SIK2: variants seen among roughly 807,000 people sequenced by gnomAD.
SIK2 encodes the protein serine/threonine-protein kinase SIK2.
In SIK2, 29 loss-of-function variants were observed where a neutral mutation model predicts 103.2. That is an observed-to-expected ratio of 0.28 (90% confidence interval 0.21 to 0.38). The LOEUF is 0.38. SIK2 is among the 10% of genes least tolerant of loss of function. The pLI, the probability that SIK2 is intolerant of heterozygous loss-of-function variation, is 1.00. For synonymous variants in SIK2, 412 were observed against 446.1 expected (o/e 0.92, Z 0.96); for missense variants, 879 against 1,171.0 (o/e 0.75, Z 3.64).
At chr11:111,639,881 T>G (rs904725475) in intron 3 of SIK2, among the ~76,000 whole-genome samples, 3 of 152,184 alleles carry the variant, frequency 2.0e-5, no homozygotes, top group Admixed American at 2.0e-4. Context: ...TAGGAATGAA[T>G]GCTTCCTTTT....
At position 111,701,792 on chromosome 11, in the gene SIK2, G is replaced by A. The variant is rs1943218297; in HGVS notation, c.727+217G>A. 6.6e-6 allele frequency among the ~76,000 whole-genome samples: 1 copy of A among 152,180 alleles called. No individual in the cohort carries two copies. Among genetic ancestry groups the A allele is most frequent in the African/African-American group, 2.4e-5 (1 of 41,436 alleles). On this transcript the variant is annotated intron_variant, in intron 6 of 14. Coordinates refer to ENST00000304987, the MANE Select transcript of SIK2 (RefSeq NM_015191.3). The surrounding 1 kb of genome is among the most constrained non-coding windows in gnomAD (Gnocchi z 4.2). Reference sequence around the variant, plus strand: ...AAACACACAGCATTTCCCAGATTAAGAGCAGCATGTCTTCTCATTCATTCT... The same window carrying A: ...AAACACACAGCATTTCCCAGATTAAAAGCAGCATGTCTTCTCATTCATTCT...
At position 111,626,710 on chromosome 11, in the gene SIK2, C is replaced by CAAA. The variant is rs33939540; in HGVS notation, c.316+6318_316+6320dup. Among the ~76,000 whole-genome samples the CAAA allele has an allele frequency of 2.9e-3, 426 of 147,616 alleles. 10 individuals are homozygous for CAAA. The East Asian group carries it at 0.057, about 20-fold the overall frequency. Reference sequence around the variant, plus strand: ...GTTTTCTAGTAATGACCATTAACTACAAAAAAAAAAAAGTAATTTTGAAAA... The same window carrying CAAA: ...GTTTTCTAGTAATGACCATTAACTACAAAAAAAAAAAAAAAGTAATTTTGAAAA... On this transcript the variant is annotated intron_variant, in intron 3 of 14. Coordinates refer to ENST00000304987, the MANE Select transcript of SIK2 (RefSeq NM_015191.3).
intron 3 of SIK2, among the ~76,000 whole-genome samples, chr11:111,678,707 G>A (rs1942738667): frequency 6.6e-6 from 1 of 152,110 alleles, no homozygotes; most frequent in African/African-American, 2.4e-5. Context: ...TCTTGCTAAT[G>A]TACATTTTAT....
intron 3 of SIK2, among the ~76,000 whole-genome samples, chr11:111,628,893 A>G (rs1412570186): frequency 6.6e-6 from 1 of 152,156 alleles, no homozygotes; most frequent in African/African-American, 2.4e-5. Context: ...AGAGAGTCGT[A>G]TAAAGACCAG....
intron 3 of SIK2, among the ~76,000 whole-genome samples, chr11:111,630,468 A>G (rs942799304): frequency 6.6e-6 from 1 of 152,130 alleles, no homozygotes; most frequent in Non-Finnish European, 1.5e-5. Context: ...TTGTATATAA[A>G]TCATACTTCA....
chr11:111,652,440 G>A (rs569921299), intron 3 of SIK2, among the ~76,000 whole-genome samples: 5 of 152,248 alleles, frequency 3.3e-5, no homozygotes, highest in African/African-American at 7.2e-5. Context: ...GTGAGAGATT[G>A]TATGTCATTA....
At chr11:111,672,123 C>T in intron 3 of SIK2, 3 of 458,740 alleles carry the variant, frequency 6.5e-6, no homozygotes, top group East Asian at 5.4e-5. Flanking sequence ...CCTGGTTACA[C>T]ACGGCCTGGA....
intron 9 of SIK2, among the ~76,000 whole-genome samples, chr11:111,719,291 A>C (rs1173058154): frequency 6.6e-6 from 1 of 151,966 alleles, no homozygotes; most frequent in Non-Finnish European, 1.5e-5. Flanking sequence ...TTGAACATAA[A>C]AGTCTTTCTA....
rs138622466 is a variant in SIK2 at position 111,707,533 on chromosome 11, TC to T, written c.1101+2395del. ...AATGCTTCTACTTCAAATGGAGTCT[TC>T]AATGCTCATTCACATGCTTGCCTGA... On this transcript the variant is annotated intron_variant, in intron 8 of 14. Coordinates refer to ENST00000304987, the MANE Select transcript of SIK2 (RefSeq NM_015191.3). Among the ~76,000 whole-genome samples, 803 of 152,304 alleles carry T rather than the reference TC, an allele frequency of 5.3e-3. 11 individuals carry two copies. Among genetic ancestry groups the T allele is most frequent in the East Asian group, 0.026 (134 of 5,184 alleles).
At chr11:111,634,577 T>G (rs1419163120) in intron 3 of SIK2, among the ~76,000 whole-genome samples, 1 of 152,218 alleles carries the variant, frequency 6.6e-6, no homozygotes, top group Admixed American at 6.5e-5. Context: ...CTTGAATCAC[T>G]TCAACACCTA....
intron 4 of SIK2, among the ~76,000 whole-genome samples, chr11:111,692,822 T>C (rs1279025950): frequency 6.6e-6 from 1 of 152,086 alleles, no homozygotes. Flanking sequence ...CTGGGTTTTT[T>C]TTTTGGCTTA....
At chr11:111,680,546 T>C (rs2135887552) in intron 3 of SIK2, among the ~76,000 whole-genome samples, 1 of 152,326 alleles carries the variant, frequency 6.6e-6, no homozygotes, top group South Asian at 2.1e-4. Context: ...TTCCATAAAT[T>C]ATTAATCTTT....
At chr11:111,687,101 T>C (rs555710626) in intron 3 of SIK2, among the ~76,000 whole-genome samples, 23 of 152,286 alleles carry the variant, frequency 1.5e-4, no homozygotes, top group African/African-American at 5.3e-4. Flanking sequence ...TTTCAACAAA[T>C]AGAGAGAGTA....
At chr11:111,620,103 G>T (rs754952554) in intron 2 of SIK2, among the ~76,000 whole-genome samples, 2 of 152,188 alleles carry the variant, frequency 1.3e-5, no homozygotes, top group Non-Finnish European at 2.9e-5. Flanking sequence ...CTTACAGGTG[G>T]TTGAATAGTG....
At chr11:111,719,356 CTTTTTT>C (rs10595659) in intron 9 of SIK2, among the ~76,000 whole-genome samples, 5 of 118,842 alleles carry the variant, frequency 4.2e-5, no homozygotes, top group East Asian at 2.6e-4. Flanking sequence ...GTGACTACCC[CTTTTTT>C]TTTTTTTTTT....
chr11:111,664,594 C>T (rs576488354), intron 3 of SIK2, among the ~76,000 whole-genome samples: 7 of 152,192 alleles, frequency 4.6e-5, no homozygotes, highest in East Asian at 3.9e-4. Flanking sequence ...GCAGCGTGGG[C>T]GACAGAGCGA....
At chr11:111,618,012 C>T (rs1012290177) in intron 2 of SIK2, among the ~76,000 whole-genome samples, 9 of 152,056 alleles carry the variant, frequency 5.9e-5, no homozygotes, top group Non-Finnish European at 2.9e-5. Flanking sequence ...AGGATCCTCC[C>T]GCTTCAGCTA....
Position 111,722,842 on chromosome 11 carries a change from T to G in SIK2, c.2147+86T>G. 8.0e-7 allele frequency: 1 copy of G among 1,246,402 alleles called. No individual in the cohort carries two copies. The highest frequency in any genetic ancestry group is 1.2e-6 in the Non-Finnish European group (1 of 865,492). The allele number at this position is 1,246,402 out of a possible 1,614,324, so 77.2% of individuals were successfully genotyped here. On this transcript the variant is annotated intron_variant, in intron 14 of 14. Transcript: ENST00000304987. This position sits in a 1 kb window ranked among gnomAD's most constrained non-coding sequence, Gnocchi z 4.4. The stretch of plus-strand genomic sequence containing the variant: ...AATGTGTTGTCCTTTTCCTCTCACA[T>G]TCGCCACTACTAGGAAAATAGGTTT...
intron 3 of SIK2, chr11:111,671,246 C>A: frequency 3.8e-6 from 1 of 260,644 alleles, no homozygotes; most frequent in South Asian, 4.7e-5. Flanking sequence ...GTAGTGATCT[C>A]GATGTCCAGG....
Sources: allele counts gnomAD v4.1 joint callset (sites outside exome capture counted in the v4.1 genomes callset), GRCh38; gene constraint gnomAD v4.1.1; non-coding constraint Gnocchi (gnomAD v3.1); transcripts MANE v1.5; gene names NCBI Gene and HGNC (gene_info 2026-07-23, HGNC 2026-07-21).